The following TMEM9 variants were observed in gnomAD, a reference collection of about 807,000 sequenced individuals.
The protein encoded by TMEM9 is transmembrane protein 9, also known as proton-transporting V-type ATPase complex assembly regulator TMEM9.
A neutral mutation model predicts 22.8 loss-of-function variants in TMEM9; 13 were observed. That is an observed-to-expected ratio of 0.57 (90% CI 0.37 to 0.91). The LOEUF (loss-of-function observed/expected upper bound fraction) is 0.91, where lower values mean the gene tolerates loss of function less well. Among genes scored for constraint, TMEM9 ranks in the 40% least tolerant of loss-of-function variants. The probability of loss-of-function intolerance (pLI) is 0.01; values close to 1 mark genes in which losing one functional copy is unlikely to be tolerated. For synonymous variants in TMEM9, 88 were observed against 93.0 expected (o/e 0.95, Z 0.31); for missense variants, 182 against 238.1 (o/e 0.76, Z 1.55).
intron 4 of TMEM9, among the ~76,000 whole-genome samples, chr1:201,142,397 C>A (rs547013939): frequency 6.6e-6 from 1 of 152,320 alleles, no homozygotes; most frequent in Middle Eastern, 3.4e-3. Flanking sequence ...CATGGTCTTG[C>A]AAGGGAGCCC....
intron 4 of TMEM9, among the ~76,000 whole-genome samples, chr1:201,142,823 T>A (rs540294081): frequency 6.6e-6 from 1 of 152,208 alleles, no homozygotes; most frequent in Non-Finnish European, 1.5e-5. Flanking sequence ...AGCTAGCTGG[T>A]ACATGAGCGC....
chr1:201,163,087 A>G (rs1170746561), intron 1 of TMEM9, among the ~76,000 whole-genome samples: 2 of 151,958 alleles, frequency 1.3e-5, no homozygotes, highest in Non-Finnish European at 2.9e-5. Flanking sequence ...GGAGCTAGAG[A>G]CCAGCCTGAG....
intron 1 of TMEM9, 70 bp downstream of exon 1, chr1:201,153,788 A>C: frequency 6.2e-7 from 1 of 1,604,570 alleles, no homozygotes; most frequent in Non-Finnish European, 8.5e-7. Context: ...GCTACCTCTG[A>C]GTCAGCCCTG....
chr1:201,154,463 C>G lies in TMEM9; in HGVS notation c.-540G>C, dbSNP rs1011250605. Reference sequence around the variant, plus strand: ...CACGAACCTACAAGCCCGCTGCAGCCGCAAAAGACCCAGTTGTCCCCGCCC... The same window carrying G: ...CACGAACCTACAAGCCCGCTGCAGCGGCAAAAGACCCAGTTGTCCCCGCCC... On this transcript the variant is annotated 5_prime_UTR_variant, in exon 1 of 5. Coordinates refer to ENST00000367330, the MANE Select transcript of TMEM9 (RefSeq NM_001288565.2). 6 of 156,106 alleles carry G rather than the reference C, an allele frequency of 3.8e-5. No individual in the cohort carries two copies. The highest frequency in any genetic ancestry group is 9.7e-5 in the African/African-American group (4 of 41,444). The allele number at this position is 156,106 out of a possible 1,614,324, so 9.7% of individuals were successfully genotyped here.
intron 1 of TMEM9, among the ~76,000 whole-genome samples, chr1:201,165,098 A>C (rs2102295463): frequency 6.7e-6 from 1 of 150,186 alleles, no homozygotes; most frequent in African/African-American, 2.4e-5. Flanking sequence ...TTTTCCAGTA[A>C]AATTTTTCTT....
At chr1:201,141,220 T>TA (rs1664491492) in intron 4 of TMEM9, among the ~76,000 whole-genome samples, 1 of 152,226 alleles carries the variant, frequency 6.6e-6, no homozygotes. Context: ...AGCCAGATCT[T>TA]ACTGCCAGCC....
At chr1:201,150,592 G>A (rs573511430) in intron 2 of TMEM9, among the ~76,000 whole-genome samples, 2 of 152,264 alleles carry the variant, frequency 1.3e-5, no homozygotes, top group African/African-American at 4.8e-5. Flanking sequence ...TTTGAAGTCA[G>A]GAAGGTGGAA....
intron 4 of TMEM9, among the ~76,000 whole-genome samples, chr1:201,140,924 C>A (rs1664466849): frequency 6.6e-6 from 1 of 152,168 alleles, no homozygotes; most frequent in Non-Finnish European, 1.5e-5. Context: ...TTCCTCTGTG[C>A]ACTGAGAGGG....
Position 201,143,015 on chromosome 1 carries a change from G to A in TMEM9, c.399+805C>T, listed in dbSNP as rs1664663006. ...TGTCCCCCCGGGTTTCCTCGCCATG[G>A]TGTCCACAACTTTTTAGTATGAGGA... On this transcript the variant is annotated intron_variant, in intron 4 of 4. Coordinates refer to ENST00000367330, the MANE Select transcript of TMEM9 (RefSeq NM_001288565.2). Among the ~76,000 whole-genome samples the A allele has an allele frequency of 2.6e-5, 4 of 152,344 alleles. 1 individual carries two copies. In the South Asian group the frequency reaches 8.3e-4, roughly 32 times the overall value.
chr1:201,135,828 GA>G lies in TMEM9; in HGVS notation c.400-14del. ...TAGAGCGAGCATCCTGTAGTGGGAA[GA>G]AAAAAAGAGAAGATCTGGCACGGTA... On this transcript the variant is annotated splice_polypyrimidine_tract_variant and intron_variant, in intron 4 of 4. Transcript: ENST00000367330. The G allele has an allele frequency of 1.9e-6, 3 of 1,569,734 alleles. No individual in the cohort carries two copies. Among genetic ancestry groups the G allele is most frequent in the Non-Finnish European group, 1.7e-6 (2 of 1,160,748 alleles).
chr1:201,153,481 C>A (rs1665593715), intron 1 of TMEM9, among the ~76,000 whole-genome samples: 1 of 152,206 alleles, frequency 6.6e-6, no homozygotes, highest in South Asian at 2.1e-4. Context: ...GTCCCCTCCC[C>A]AAGATAGCTC....
intron 4 of TMEM9, among the ~76,000 whole-genome samples, chr1:201,143,376 C>T (rs531899307): frequency 6.6e-6 from 1 of 152,226 alleles, no homozygotes; most frequent in African/African-American, 2.4e-5. Flanking sequence ...CTACATTTCT[C>T]CCCAGACCCT....
chr1:201,143,957 G>A lies in TMEM9; in HGVS notation c.268-6C>T. 6.2e-7 allele frequency: 1 copy of A among 1,614,026 alleles called. No homozygotes were observed. The highest frequency in any genetic ancestry group is 1.3e-5 in the African/African-American group (1 of 75,050). ...AGGTAGATGACAATGATGACCTGAG[G>A]AAGAGACCGGCGTGCCTATGAACCA... On this transcript the variant is annotated splice_region_variant and splice_polypyrimidine_tract_variant and intron_variant, in intron 3 of 4. Coordinates refer to ENST00000367330, the MANE Select transcript of TMEM9 (RefSeq NM_001288565.2).
At chr1:201,163,123 C>T (rs6700532) in intron 1 of TMEM9, among the ~76,000 whole-genome samples, 241 of 150,670 alleles carry the variant, frequency 1.6e-3, no homozygotes, top group African/African-American at 5.3e-3. Context: ...CTGTCTCTAC[C>T]AGAAATACAA....
At position 201,166,366 on chromosome 1, in the gene TMEM9, CTT is replaced by C. The variant is rs10712932; in HGVS notation, c.-37+5122_-37+5123del. On this transcript the variant is annotated intron_variant, in intron 1 of 5. Transcript: ENST00000367333. ...ACTTGGAAAAAAAAAGACTATGATT[CTT>C]TTTTTTTTTTTGATACAGAGTCTCA... Among the ~76,000 whole-genome samples, 666 of 141,644 alleles carry C rather than the reference CTT, an allele frequency of 4.7e-3. 8 individuals are homozygous for C. The highest frequency in any genetic ancestry group is 0.012 in the African/African-American group (474 of 38,234). The allele number at this position is 141,644 out of a possible 152,430, so 92.9% of individuals were successfully genotyped here.
chr1:201,153,816 C>T, intron 1 of TMEM9, 42 bp downstream of exon 1: 2 of 1,612,406 alleles, frequency 1.2e-6, no homozygotes, highest in South Asian at 2.2e-5. Flanking sequence ...GGTGGCCGTG[C>T]ACTGTGGTCG....
At chr1:201,139,566 C>T (rs1035075346) in intron 4 of TMEM9, among the ~76,000 whole-genome samples, 12 of 152,030 alleles carry the variant, frequency 7.9e-5, no homozygotes, top group African/African-American at 2.9e-4. Flanking sequence ...GCACTCCCAG[C>T]CTCACCTCCC....
chr1:201,160,768 C>T (rs1665922734), intron 1 of TMEM9, among the ~76,000 whole-genome samples: 2 of 151,906 alleles, frequency 1.3e-5, no homozygotes, highest in African/African-American at 4.8e-5. Flanking sequence ...AACCCCATCT[C>T]TACTAAAAAT....
chr1:201,157,097 A>G (rs1665817837), upstream of TMEM9, among the ~76,000 whole-genome samples: 1 of 152,206 alleles, frequency 6.6e-6, no homozygotes, highest in African/African-American at 2.4e-5. Flanking sequence ...TCTCTGCTAC[A>G]GAGAGGGGTC....
Sources: allele counts gnomAD v4.1 joint callset (sites outside exome capture counted in the v4.1 genomes callset), GRCh38; gene constraint gnomAD v4.1.1; transcripts MANE v1.5; gene names NCBI Gene and HGNC (gene_info 2026-07-23, HGNC 2026-07-21).